Variants in HMGCL observed in about 807,000 individuals in gnomAD.
HMGCL encodes the protein 3-hydroxy-3-methylglutaryl-CoA lyase.
In HMGCL, 26 loss-of-function variants were observed where a neutral mutation model predicts 37.3. That is an observed-to-expected ratio of 0.70 (90% CI 0.51 to 0.97). The LOEUF (loss-of-function observed/expected upper bound fraction) is 0.97. Among genes scored for constraint, HMGCL ranks in the 50% least tolerant of loss-of-function variants. HMGCL has a pLI of 0.00. For missense variants in HMGCL, 379 were observed against 398.1 expected (o/e 0.95, Z 0.41); for synonymous variants, 151 against 148.0 (o/e 1.02, Z -0.15).
At chr1:23,804,064 A>G in intron 8 of HMGCL, 2 of 314,814 alleles carry the variant, frequency 6.4e-6, no homozygotes, top group South Asian at 6.3e-5. Flanking sequence ...TCTCACAAAC[A>G]TTAAAATATT....
At chr1:23,804,589 T>G in intron 7 of HMGCL, 64 bp from the exon 8 acceptor site, 1 of 1,574,570 alleles carries the variant, frequency 6.4e-7, no homozygotes, top group Non-Finnish European at 8.7e-7. Flanking sequence ...GAGATGAGCC[T>G]TGCAAACCTC....
At chr1:23,810,591 T>G in intron 6 of HMGCL, 145 bp downstream of exon 6, 1 of 726,020 alleles carries the variant, frequency 1.4e-6, no homozygotes, top group Admixed American at 2.0e-5. Context: ...AGGGCTGTGC[T>G]CACAGCAGGA....
At chr1:23,809,394 A>G (rs909796417) in intron 6 of HMGCL, 3 of 148,092 alleles carry the variant, frequency 2.0e-5, no homozygotes, top group Non-Finnish European at 4.5e-5. Flanking sequence ...GCCCACCACC[A>G]CCCCCGGCTA....
At chr1:23,818,898 G>A (rs557368756) in intron 2 of HMGCL, among the ~76,000 whole-genome samples, 3 of 151,268 alleles carry the variant, frequency 2.0e-5, no homozygotes, top group South Asian at 4.2e-4. Context: ...GCTAGGTGCC[G>A]GGGATATAGC....
At chr1:23,803,539 T>C (rs1368941628) in intron 8 of HMGCL, 4 of 152,298 alleles carry the variant, frequency 2.6e-5, no homozygotes, top group Non-Finnish European at 4.4e-5. Context: ...TTTCACCATA[T>C]TGGCCAGGCT....
intron 4 of HMGCL, among the ~76,000 whole-genome samples, chr1:23,814,945 C>T (rs1174035196): frequency 6.6e-6 from 1 of 152,044 alleles, no homozygotes; most frequent in Non-Finnish European, 1.5e-5. Context: ...CAGTGGCTCA[C>T]GCTTGTAATC....
chr1:23,820,194 T>C (rs751639776), intron 2 of HMGCL, among the ~76,000 whole-genome samples: 1 of 152,184 alleles, frequency 6.6e-6, no homozygotes, highest in Non-Finnish European at 1.5e-5. Flanking sequence ...TATATACATA[T>C]ATTTTTTAAT....
chr1:23,802,571 G>A lies in HMGCL; in HGVS notation c.877-7C>T, dbSNP rs750545040. On this transcript the variant is annotated splice_polypyrimidine_tract_variant and splice_region_variant and intron_variant, in intron 8 of 8. Transcript: ENST00000374490. ...GCTTCTGGAGATTCACACCCTTTGA[G>A]AAACAAGTTAGAGGATGCGGTAAGT... The A allele has an allele frequency of 3.1e-6, 5 of 1,595,920 alleles. No homozygotes were observed. In the Admixed American group the frequency reaches 8.3e-5, roughly 27 times the overall value.
intron 7 of HMGCL, among the ~76,000 whole-genome samples, chr1:23,807,597 T>C (rs1451298660): frequency 6.6e-6 from 1 of 152,104 alleles, no homozygotes; most frequent in Non-Finnish European, 1.5e-5. Flanking sequence ...AGGTCTTAGC[T>C]CAATCTGTGG....
intron 4 of HMGCL, among the ~76,000 whole-genome samples, chr1:23,814,553 T>C (rs1638579713): frequency 6.6e-6 from 1 of 152,098 alleles, no homozygotes; most frequent in Non-Finnish European, 1.5e-5. Flanking sequence ...GTATTTTTAG[T>C]AGAGACAGCG....
chr1:23,814,226 A>C lies in HMGCL; in HGVS notation c.461T>G (p.Leu154Arg). The change falls in exon 5 of 9, where the codon CTG becomes CGG. Residue 154 changes from leucine (L) to arginine (R), a missense_variant. By Grantham distance (102) the Leu-to-Arg change is moderately radical. Transcript: ENST00000374490. The stretch of plus-strand genomic sequence containing the variant: ...AATATTGGCTGACTGCGCTGCCTTC[A>C]GGATTGCGTCAAACCTCTGAAAACT... ...EESFQRFDAI[L>R]KAAQSANISV... 6.2e-7 allele frequency: 1 copy of C among 1,614,100 alleles called. No individual in the cohort carries two copies.
intron 2 of HMGCL, among the ~76,000 whole-genome samples, chr1:23,819,006 T>TAAAAAAAAAAAAAAAAA (rs11371330): frequency 4.6e-5 from 2 of 43,122 alleles, no homozygotes; most frequent in Non-Finnish European, 7.6e-5. Flanking sequence ...ATGGACGTGC[T>TAAAAAAAAAAAAAAAAA]AAAAAAAAAA....
chr1:23,820,624 G>A, intron 1 of HMGCL, 31 bp from the exon 2 acceptor site: 8 of 1,495,422 alleles, frequency 5.3e-6, no homozygotes, highest in Non-Finnish European at 6.5e-6. Flanking sequence ...CAAAAAGTAT[G>A]AGGAAGAGAT....
At chr1:23,804,121 G>T in intron 8 of HMGCL, 1 of 463,530 alleles carries the variant, frequency 2.2e-6, no homozygotes, top group Non-Finnish European at 4.0e-6. Context: ...CTTTTGTTTT[G>T]TTTTGAAGAG....
rs971833176 is a variant in HMGCL at position 23,806,417 on chromosome 1, C to G, written c.750+1718G>C. Among the ~76,000 whole-genome samples, 1 of 152,214 alleles carries G rather than the reference C, an allele frequency of 6.6e-6. No individual in the cohort carries two copies. The highest frequency in any genetic ancestry group is 1.5e-5 in the Non-Finnish European group (1 of 68,038). On this transcript the variant is annotated intron_variant, in intron 7 of 8. Coordinates refer to ENST00000374490, the MANE Select transcript of HMGCL (RefSeq NM_000191.3). This position sits in a 1 kb window ranked among gnomAD's most constrained non-coding sequence, Gnocchi z 4.0. ...CTCTGCCCCCCTCTCCTCAGTCACA[C>G]TGCTCCCGCCACATGCCTCCTCCTG... is the stretch of plus-strand genomic sequence containing the variant.
chr1:23,820,653 G>A, intron 1 of HMGCL, 60 bp from the exon 2 acceptor site: 1 of 1,088,196 alleles, frequency 9.2e-7, no homozygotes. Flanking sequence ...TTCCCAGGGA[G>A]ACCAATATGA....
intron 2 of HMGCL, among the ~76,000 whole-genome samples, chr1:23,819,505 G>A (rs1233030921): frequency 6.6e-6 from 1 of 152,050 alleles, no homozygotes; most frequent in Non-Finnish European, 1.5e-5. Flanking sequence ...GAGGCAGGTG[G>A]ATCACCTGAG....
chr1:23,816,603 C>A, intron 4 of HMGCL, 72 bp downstream of exon 4: 2 of 943,398 alleles, frequency 2.1e-6, no homozygotes, highest in Non-Finnish European at 3.5e-6. Context: ...GGGACTGAGG[C>A]GCCAAGACAA....
chr1:23,802,655 A>G, intron 8 of HMGCL, 91 bp from the exon 9 acceptor site: 1 of 870,302 alleles, frequency 1.1e-6, no homozygotes. Flanking sequence ...TGTGATACTG[A>G]AAAGTAAAGG....
Sources: allele counts gnomAD v4.1 joint callset (sites outside exome capture counted in the v4.1 genomes callset), GRCh38; gene constraint gnomAD v4.1.1; non-coding constraint Gnocchi (gnomAD v3.1); transcripts MANE v1.5; gene names NCBI Gene and HGNC (gene_info 2026-07-23, HGNC 2026-07-21).